Variants in FMN1 observed in about 807,000 individuals in gnomAD.
FMN1 encodes the protein formin-1.
FMN1 carries 110 observed loss-of-function variants against 132.4 expected under a neutral mutation model. The observed-to-expected ratio is 0.83, with a 90% CI of 0.71 to 0.97. The LOEUF is 0.97. Among genes scored for constraint, FMN1 ranks in the 50% least tolerant of loss-of-function variants. FMN1 has a pLI of 0.00. For synonymous variants in FMN1, 722 were observed against 651.7 expected (o/e 1.11, Z -1.64); for missense variants, 1,792 against 1,705.3 (o/e 1.05, Z -0.90).
intron 7 of FMN1, among the ~76,000 whole-genome samples, chr15:32,990,052 C>T (rs2033339425): frequency 6.6e-6 from 1 of 152,096 alleles, no homozygotes; most frequent in Admixed American, 6.6e-5. Context: ...TTTGGATGCT[C>T]TGGTTTTGGG....
chr15:32,978,377 ATATTT>A (rs1231713121), intron 7 of FMN1, among the ~76,000 whole-genome samples: 13 of 152,346 alleles, frequency 8.5e-5, no homozygotes, highest in African/African-American at 3.1e-4. Context: ...AACTTCAGTA[ATATTT>A]TATTTCTAAA....
chr15:33,012,353 G>A, intron 6 of FMN1: 1 of 871,536 alleles, frequency 1.1e-6, no homozygotes, highest in South Asian at 1.3e-5. Context: ...GCCACACAAG[G>A]TGGATGAAGA....
intron 17 of FMN1, among the ~76,000 whole-genome samples, chr15:32,847,714 G>A (rs1023875736): frequency 6.6e-6 from 1 of 152,144 alleles, no homozygotes; most frequent in South Asian, 2.1e-4. Flanking sequence ...ACTTAGCCAG[G>A]CGTAGTGGCG....
chr15:33,067,905 G>A, intron 5 of FMN1: 1 of 1,586,258 alleles, frequency 6.3e-7, no homozygotes, highest in Non-Finnish European at 8.6e-7. Context: ...TGCCCTTGGT[G>A]GAAGTTCTGA....
At chr15:33,148,710 A>G (rs1161118556) in intron 4 of FMN1, among the ~76,000 whole-genome samples, 28 of 152,154 alleles carry the variant, frequency 1.8e-4, no homozygotes, top group Admixed American at 1.8e-3. Flanking sequence ...CCTTGCAGGT[A>G]TCTGTTTCCT....
At chr15:33,124,524 C>T (rs1389581316) in intron 4 of FMN1, among the ~76,000 whole-genome samples, 1 of 129,430 alleles carries the variant, frequency 7.7e-6, no homozygotes, top group African/African-American at 3.0e-5. Flanking sequence ...AAAGCTCTCC[C>T]AAAGTGATCC....
chr15:32,855,289 C>T (rs74011867), intron 17 of FMN1, among the ~76,000 whole-genome samples: 3,227 of 151,312 alleles, frequency 0.021, 103 homozygotes, highest in African/African-American at 0.068. Context: ...CTAAGTGATT[C>T]TAGTATGCAA....
chr15:33,123,575 T>C (rs1347362763), intron 4 of FMN1, among the ~76,000 whole-genome samples: 1 of 152,138 alleles, frequency 6.6e-6, no homozygotes, highest in African/African-American at 2.4e-5. Flanking sequence ...TGAGGAAAAA[T>C]TAAGTCTAAC....
chr15:33,143,495 T>C (rs1252629269), intron 4 of FMN1, among the ~76,000 whole-genome samples: 1 of 152,210 alleles, frequency 6.6e-6, no homozygotes, highest in Admixed American at 6.5e-5. Flanking sequence ...ACCATTGCTA[T>C]CTTTGAGGAG....
intron 4 of FMN1, among the ~76,000 whole-genome samples, chr15:33,108,346 G>A (rs936549280): frequency 2.6e-5 from 4 of 152,044 alleles, no homozygotes; most frequent in African/African-American, 9.7e-5. Context: ...AACAATCAGT[G>A]GGTGTGAATC....
At chr15:32,915,088 G>A (rs2060652500) in intron 10 of FMN1, among the ~76,000 whole-genome samples, 1 of 152,230 alleles carries the variant, frequency 6.6e-6, no homozygotes, top group African/African-American at 2.4e-5. Context: ...TAGAACTTAT[G>A]GAGATTAAAT....
chr15:33,002,471 GT>G (rs756678757), intron 7 of FMN1, among the ~76,000 whole-genome samples: 2 of 152,264 alleles, frequency 1.3e-5, no homozygotes, highest in African/African-American at 2.4e-5. Flanking sequence ...TTGTCTGTTC[GT>G]TTTACGAACA....
intron 6 of FMN1, among the ~76,000 whole-genome samples, chr15:33,057,856 C>T (rs1377166334): frequency 6.6e-6 from 1 of 152,162 alleles, no homozygotes; most frequent in African/African-American, 2.4e-5. Context: ...TTGTTATTTA[C>T]AATTTCCCAT....
At chr15:32,860,218 G>T (rs2059235922) in intron 16 of FMN1, among the ~76,000 whole-genome samples, 1 of 149,072 alleles carries the variant, frequency 6.7e-6, no homozygotes, top group South Asian at 2.2e-4. Flanking sequence ...AAGGAGAGAG[G>T]AAGAGGTAGG....
At chr15:33,114,636 A>G (rs772352952) in intron 4 of FMN1, among the ~76,000 whole-genome samples, 3 of 152,162 alleles carry the variant, frequency 2.0e-5, no homozygotes, top group South Asian at 4.1e-4. Flanking sequence ...CCCCTGCCAC[A>G]TGACCAACAA....
intron 9 of FMN1, among the ~76,000 whole-genome samples, chr15:32,955,443 T>A (rs1298657581): frequency 6.6e-6 from 1 of 152,184 alleles, no homozygotes; most frequent in Non-Finnish European, 1.5e-5. Flanking sequence ...CCTATTCTTG[T>A]TACATCTTCA....
chr15:32,938,111 G>A (rs772441345), intron 9 of FMN1, among the ~76,000 whole-genome samples: 2 of 151,700 alleles, frequency 1.3e-5, no homozygotes, highest in Non-Finnish European at 2.9e-5. Flanking sequence ...TTTTTTCACT[G>A]TGTAGCGTGT....
At chr15:32,800,539 G>A (rs373859445) in intron 18 of FMN1, among the ~76,000 whole-genome samples, 1 of 152,194 alleles carries the variant, frequency 6.6e-6, no homozygotes, top group African/African-American at 2.4e-5. Flanking sequence ...ACTATAGCAT[G>A]GGAATACATA....
chr15:32,893,040 G>C (rs2060069610), intron 15 of FMN1, among the ~76,000 whole-genome samples: 1 of 152,152 alleles, frequency 6.6e-6, no homozygotes, highest in Admixed American at 6.5e-5. Context: ...TGTACCTTTA[G>C]CAGGAGACAT....
Sources: gnomAD v4.1 joint callset for allele counts (sites outside exome capture counted in the v4.1 genomes callset) on GRCh38, gnomAD v4.1.1 for gene constraint, MANE v1.5 for transcripts, NCBI Gene and HGNC (gene_info 2026-07-23, HGNC 2026-07-21) for gene names.